EXOC4: variants seen among roughly 807,000 people sequenced by gnomAD.
EXOC4 encodes exocyst complex component 4, also known as SEC8-like 1.
EXOC4 carries 71 observed loss-of-function variants against 107.2 expected under a neutral mutation model. The ratio of observed to expected loss-of-function variants is 0.66; its 90% CI spans 0.55 to 0.81. EXOC4 has a LOEUF of 0.81. EXOC4 is among the 30% of genes least tolerant of loss of function. EXOC4 has a pLI of 0.00. For synonymous variants in EXOC4, 456 were observed against 441.2 expected (o/e 1.03, Z -0.42); for missense variants, 1,108 against 1,189.6 (o/e 0.93, Z 1.01).
chr7:133,328,635 G>A (rs1361780735), intron 5 of EXOC4, among the ~76,000 whole-genome samples: 2 of 152,096 alleles, frequency 1.3e-5, no homozygotes, highest in Non-Finnish European at 1.5e-5. Flanking sequence ...GAATCTCTCA[G>A]CATTTGCTTG....
At chr7:133,570,445 G>A (rs778502659) in intron 9 of EXOC4, among the ~76,000 whole-genome samples, 6 of 152,292 alleles carry the variant, frequency 3.9e-5, no homozygotes, top group East Asian at 1.9e-4. Context: ...AGCACATGTC[G>A]TGCTCTTTCA....
the EXOC4 span, among the ~76,000 whole-genome samples, chr7:134,081,501 A>G: frequency 9.8e-5 from 15 of 152,322 alleles, no homozygotes; most frequent in East Asian, 2.7e-3. Context: ...CCCCAACTAA[A>G]GTATACACTC....
intron 9 of EXOC4, among the ~76,000 whole-genome samples, chr7:133,514,690 C>A (rs1198279733): frequency 2.0e-5 from 3 of 152,122 alleles, no homozygotes; most frequent in Non-Finnish European, 2.9e-5. Context: ...TAAGAGGAGA[C>A]TAATGAAAAT....
At chr7:133,315,405 A>G (rs139623160) in intron 4 of EXOC4, 2 of 152,312 alleles carry the variant, frequency 1.3e-5, no homozygotes, top group African/African-American at 4.8e-5. Context: ...ACATTTATGC[A>G]CACCATTAGG....
intron 10 of EXOC4, among the ~76,000 whole-genome samples, chr7:133,756,807 T>C (rs144908175): frequency 5.6e-4 from 86 of 152,320 alleles, no homozygotes; most frequent in Middle Eastern, 3.4e-3. Flanking sequence ...CTGAAAAGCA[T>C]GTATAAAACA....
chr7:133,727,516 A>G (rs919329296), intron 10 of EXOC4: 2 of 152,730 alleles, frequency 1.3e-5, no homozygotes, highest in Non-Finnish European at 2.9e-5. Context: ...GATAGGACCA[A>G]ATTAGGCTCC....
chr7:134,025,050 GTC>G (rs1707895516), intron 17 of EXOC4, among the ~76,000 whole-genome samples: 1 of 152,184 alleles, frequency 6.6e-6, no homozygotes, highest in South Asian at 2.1e-4. Context: ...CCCTTTCCAA[GTC>G]TCATTCTCCA....
intron 7 of EXOC4, among the ~76,000 whole-genome samples, chr7:133,389,895 C>A (rs1175419008): frequency 6.4e-3 from 821 of 129,194 alleles, no homozygotes; most frequent in Middle Eastern, 8.1e-3. Context: ...GGCAGCAGGC[C>A]AAAAAAAAAA....
chr7:133,528,072 C>T (rs1800113867), intron 9 of EXOC4, among the ~76,000 whole-genome samples: 1 of 152,132 alleles, frequency 6.6e-6, no homozygotes, highest in African/African-American at 2.4e-5. Flanking sequence ...TTCTAATTGC[C>T]ACACTTTGAT....
chr7:133,271,183 G>T (rs1793861655), intron 1 of EXOC4, among the ~76,000 whole-genome samples: 1 of 152,018 alleles, frequency 6.6e-6, no homozygotes, highest in Non-Finnish European at 1.5e-5. Flanking sequence ...CTCCCAAAAT[G>T]CTGGGATTAC....
chr7:133,695,534 C>A (rs1210905515), intron 10 of EXOC4, among the ~76,000 whole-genome samples: 1 of 152,024 alleles, frequency 6.6e-6, no homozygotes, highest in Non-Finnish European at 1.5e-5. Context: ...TTCCACATTT[C>A]ACTTTCACTT....
chr7:133,724,267 C>T (rs1289790262), intron 10 of EXOC4, among the ~76,000 whole-genome samples: 1 of 152,148 alleles, frequency 6.6e-6, no homozygotes, highest in Non-Finnish European at 1.5e-5. Context: ...CCAGTTACTC[C>T]AAAGGAGACC....
intron 1 of EXOC4, among the ~76,000 whole-genome samples, chr7:133,268,620 A>C (rs146770088): frequency 1.1e-3 from 169 of 152,328 alleles, no homozygotes; most frequent in African/African-American, 3.6e-3. Flanking sequence ...GATCGTCTAC[A>C]CTGAAATACA....
At chr7:133,340,385 T>C (rs1052411772) in intron 5 of EXOC4, among the ~76,000 whole-genome samples, 2 of 152,182 alleles carry the variant, frequency 1.3e-5, no homozygotes, top group African/African-American at 4.8e-5. Context: ...GGATTATCTT[T>C]TTGATATGCT....
chr7:134,076,260 GT>G, the EXOC4 span, among the ~76,000 whole-genome samples: 2 of 152,186 alleles, frequency 1.3e-5, no homozygotes, highest in African/African-American at 2.4e-5. Flanking sequence ...GCTCACACCT[GT>G]AATCCCAGCA....
chr7:133,724,569 A>G (rs1176574221), intron 10 of EXOC4, among the ~76,000 whole-genome samples: 1 of 152,194 alleles, frequency 6.6e-6, no homozygotes. Context: ...TTCTTTTGGA[A>G]CTTGCAGGGA....
Position 133,358,768 on chromosome 7 carries a change from A to G in EXOC4, c.1007+2195A>G, listed in dbSNP as rs142000218. ...TACCTTTAAAAGCACTGTGTCTTTC[A>G]TAGGAGTTTCATCTTTTTTTTTTTC... On this transcript the variant is annotated intron_variant, in intron 6 of 17. Coordinates refer to ENST00000253861, the MANE Select transcript of EXOC4 (RefSeq NM_021807.4). Among the ~76,000 whole-genome samples, 279 of 113,946 alleles carry G rather than the reference A, an allele frequency of 2.4e-3. 1 individual carries two copies. The highest frequency in any genetic ancestry group is 4.1e-3 in the Non-Finnish European group (228 of 56,280). The allele number at this position is 113,946 out of a possible 152,430, so 74.8% of individuals were successfully genotyped here.
intron 5 of EXOC4, among the ~76,000 whole-genome samples, chr7:133,347,178 A>G (rs1004249626): frequency 2.0e-5 from 3 of 152,072 alleles, no homozygotes; most frequent in African/African-American, 4.8e-5. Context: ...TGAGCCATCT[A>G]TAATATAGGT....
chr7:133,687,325 G>A (rs1794327681), intron 10 of EXOC4, among the ~76,000 whole-genome samples: 1 of 151,798 alleles, frequency 6.6e-6, no homozygotes, highest in Non-Finnish European at 1.5e-5. Flanking sequence ...GGTGATGGGT[G>A]CACCAAAATC....
Sources: gnomAD v4.1 joint callset for allele counts (sites outside exome capture counted in the v4.1 genomes callset) on GRCh38, gnomAD v4.1.1 for gene constraint, MANE v1.5 for transcripts, NCBI Gene and HGNC (gene_info 2026-07-23, HGNC 2026-07-21) for gene names.